ACTR3C: variants seen among roughly 807,000 people sequenced by gnomAD.
The protein encoded by ACTR3C is actin related protein 3C, also known as actin-related protein 3C.
A neutral mutation model predicts 26.3 loss-of-function variants in ACTR3C; 18 were observed. The observed-to-expected ratio is 0.68, with a 90% CI of 0.47 to 1.01. The LOEUF is 1.01. ACTR3C is among the 50% of genes least tolerant of loss of function. The pLI, the probability that ACTR3C is intolerant of heterozygous loss-of-function variation, is 0.00. For missense variants in ACTR3C, 184 were observed against 250.7 expected (o/e 0.73, Z 1.80); for synonymous variants, 55 against 94.5 (o/e 0.58, Z 2.42).
At chr7:150,222,540 C>T in the ACTR3C span, among the ~76,000 whole-genome samples, 5 of 152,172 alleles carry the variant, frequency 3.3e-5, no homozygotes, top group Non-Finnish European at 7.3e-5. Flanking sequence ...CTAACAACTA[C>T]TCATGCATTT....
chr7:149,992,125 G>A, the ACTR3C span, among the ~76,000 whole-genome samples: 1 of 152,118 alleles, frequency 6.6e-6, no homozygotes, highest in East Asian at 1.9e-4. Context: ...TCTTACATTG[G>A]CTGTTTGTTA....
the ACTR3C span, among the ~76,000 whole-genome samples, chr7:150,204,157 G>A: frequency 6.7e-6 from 1 of 148,742 alleles, no homozygotes. Context: ...AGAGCCATTC[G>A]GTGTCACAGA....
chr7:149,949,090 C>T, the ACTR3C span, among the ~76,000 whole-genome samples: 11 of 146,706 alleles, frequency 7.5e-5, no homozygotes, highest in East Asian at 1.9e-4. Flanking sequence ...CTGAGGCAGG[C>T]GGATCACCTG....
chr7:150,177,326 C>A, the ACTR3C span, among the ~76,000 whole-genome samples: 2 of 150,596 alleles, frequency 1.3e-5, no homozygotes, highest in Non-Finnish European at 2.9e-5. Context: ...TCTCTAGATG[C>A]TCCTGTATTT....
chr7:149,958,022 A>C, the ACTR3C span, among the ~76,000 whole-genome samples: 1 of 152,218 alleles, frequency 6.6e-6, no homozygotes, highest in South Asian at 2.1e-4. Context: ...GCAGATGCTA[A>C]GTACCAGGAG....
At chr7:149,914,062 T>A in the ACTR3C span, among the ~76,000 whole-genome samples, 8 of 151,896 alleles carry the variant, frequency 5.3e-5, no homozygotes, top group South Asian at 2.1e-4. Flanking sequence ...AGTTTTTTTT[T>A]ATTTTTTTGT....
chr7:150,171,871 G>A, the ACTR3C span, among the ~76,000 whole-genome samples: 1 of 150,610 alleles, frequency 6.6e-6, no homozygotes, highest in African/African-American at 2.5e-5. Flanking sequence ...CAGTGCAGTG[G>A]CGCAATCCCG....
At chr7:149,945,321 A>AGGGTCTTGGGGCAG in the ACTR3C span, among the ~76,000 whole-genome samples, 1 of 66,014 alleles carries the variant, frequency 1.5e-5, no homozygotes. Context: ...ATCAGTGACA[A>AGGGTCTTGGGGCAG]CCTCCCAGCA....
chr7:149,976,296 C>T, the ACTR3C span, among the ~76,000 whole-genome samples: 6 of 152,020 alleles, frequency 3.9e-5, no homozygotes, highest in East Asian at 1.9e-4. Flanking sequence ...CATAGATGGC[C>T]GGGCGCGGTG....
At chr7:150,058,610 T>C in the ACTR3C span, among the ~76,000 whole-genome samples, 1 of 152,266 alleles carries the variant, frequency 6.6e-6, no homozygotes, top group East Asian at 1.9e-4. Context: ...AAAGTTGCTG[T>C]AGCCTTTTTG....
At chr7:149,989,232 A>G in the ACTR3C span, among the ~76,000 whole-genome samples, 1 of 152,262 alleles carries the variant, frequency 6.6e-6, no homozygotes, top group East Asian at 1.9e-4. Flanking sequence ...ACATATACAC[A>G]TATGGAATGC....
chr7:150,031,221 C>T, the ACTR3C span, among the ~76,000 whole-genome samples: 2 of 150,874 alleles, frequency 1.3e-5, no homozygotes, highest in South Asian at 4.2e-4. Context: ...TGTATCACTG[C>T]ACTCCAGCCT....
the ACTR3C span, among the ~76,000 whole-genome samples, chr7:150,167,864 A>G: frequency 1.3e-5 from 2 of 150,748 alleles, no homozygotes; most frequent in African/African-American, 2.5e-5. Flanking sequence ...GCTCAAAAAT[A>G]TGTCTTCATC....
At chr7:150,316,483 ATTTTTTT>A (rs35767189) in intron 1 of ACTR3C, among the ~76,000 whole-genome samples, 7 of 80,540 alleles carry the variant, frequency 8.7e-5, no homozygotes, top group African/African-American at 2.8e-4. Flanking sequence ...GAATCTGGTT[ATTTTTTT>A]TTTTTTTTTT....
At chr7:150,011,642 T>C in the ACTR3C span, among the ~76,000 whole-genome samples, 1 of 152,106 alleles carries the variant, frequency 6.6e-6, no homozygotes, top group Non-Finnish European at 1.5e-5. Context: ...AAAGTTAAAG[T>C]TGCAATAGAA....
the ACTR3C span, among the ~76,000 whole-genome samples, chr7:149,946,256 T>C: frequency 6.6e-6 from 1 of 152,166 alleles, no homozygotes. Context: ...CTGGAAGCCA[T>C]CCTAGGTGAA....
chr7:150,070,104 C>T, the ACTR3C span, among the ~76,000 whole-genome samples: 1,704 of 152,338 alleles, frequency 0.011, 20 homozygotes, highest in South Asian at 0.023. Context: ...CCAGACCACA[C>T]ATTCCACAGC....
intron 7 of ACTR3C, chr7:150,248,052 C>T (rs1162045457): frequency 2.0e-5 from 3 of 152,300 alleles, no homozygotes; most frequent in South Asian, 2.1e-4. Flanking sequence ...GTTGGCAATA[C>T]CTGCTCGATT....
chr7:150,127,669 GTTTT>G, the ACTR3C span, among the ~76,000 whole-genome samples: 1 of 149,468 alleles, frequency 6.7e-6, no homozygotes, highest in Non-Finnish European at 1.5e-5. Flanking sequence ...TTATTGTACT[GTTTT>G]TTTTCTTTCC....
Sources: allele counts gnomAD v4.1 joint callset (sites outside exome capture counted in the v4.1 genomes callset), GRCh38; gene constraint gnomAD v4.1.1; transcripts MANE v1.5; gene names NCBI Gene and HGNC (gene_info 2026-07-23, HGNC 2026-07-21).